NR6A1: variants seen among roughly 807,000 people sequenced by gnomAD.
The protein encoded by NR6A1 is nuclear receptor subfamily 6 group A member 1.
A neutral mutation model predicts 59.1 loss-of-function variants in NR6A1; 7 were observed. The ratio of observed to expected loss-of-function variants is 0.12; its 90% CI spans 0.07 to 0.22. The LOEUF (loss-of-function observed/expected upper bound fraction) is 0.22, where lower values mean the gene tolerates loss of function less well. Ranked by LOEUF, NR6A1 falls within the 10% of genes least tolerant of loss-of-function variation. The pLI is 1.00. For missense variants in NR6A1, 468 were observed against 611.6 expected (o/e 0.77, Z 2.48); for synonymous variants, 243 against 236.1 (o/e 1.03, Z -0.27).
At chr9:124,742,692 C>T (rs889946539) in intron 1 of NR6A1, among the ~76,000 whole-genome samples, 14 of 152,020 alleles carry the variant, frequency 9.2e-5, no homozygotes, top group Admixed American at 5.2e-4. Context: ...CTGGCTAACA[C>T]GGTGAAACCC....
chr9:124,551,582 C>T (rs1293900184), intron 3 of NR6A1, among the ~76,000 whole-genome samples: 1 of 152,096 alleles, frequency 6.6e-6, no homozygotes, highest in Non-Finnish European at 1.5e-5. Flanking sequence ...TGTTTTTAGC[C>T]TTACAGTATA....
chr9:124,589,919 G>C (rs140564258), intron 2 of NR6A1, among the ~76,000 whole-genome samples: 10 of 151,986 alleles, frequency 6.6e-5, no homozygotes, highest in Non-Finnish European at 1.3e-4. Flanking sequence ...GCAAAAATCA[G>C]CTGGGCGTGG....
At chr9:124,611,077 G>A (rs1202366156) in intron 2 of NR6A1, among the ~76,000 whole-genome samples, 2 of 151,936 alleles carry the variant, frequency 1.3e-5, no homozygotes, top group African/African-American at 2.4e-5. Context: ...GGAAGGAGGA[G>A]GCAGGTATAG....
At chr9:124,630,474 T>C (rs1313973121) in intron 2 of NR6A1, among the ~76,000 whole-genome samples, 1 of 150,996 alleles carries the variant, frequency 6.6e-6, no homozygotes, top group Non-Finnish European at 1.5e-5. Context: ...TGACCTCAGG[T>C]GATCCGCCTG....
At chr9:124,553,321 C>T (rs369216524) in intron 3 of NR6A1, among the ~76,000 whole-genome samples, 2 of 152,152 alleles carry the variant, frequency 1.3e-5, no homozygotes, top group African/African-American at 4.8e-5. Flanking sequence ...CACCTATGGA[C>T]TAGACTTTTA....
At chr9:124,591,595 T>C (rs909320032) in intron 2 of NR6A1, among the ~76,000 whole-genome samples, 1 of 152,204 alleles carries the variant, frequency 6.6e-6, no homozygotes, top group African/African-American at 2.4e-5. Context: ...GAATTCTGAT[T>C]GGTCCCACTA....
chr9:124,711,742 A>C (rs916815359), intron 2 of NR6A1, among the ~76,000 whole-genome samples: 1 of 152,182 alleles, frequency 6.6e-6, no homozygotes, highest in Admixed American at 6.5e-5. Flanking sequence ...GAGTAAGTCA[A>C]GATTTTCAAG....
At chr9:124,536,715 T>C (rs1833278470) in intron 6 of NR6A1, among the ~76,000 whole-genome samples, 1 of 152,094 alleles carries the variant, frequency 6.6e-6, no homozygotes, top group Non-Finnish European at 1.5e-5. Flanking sequence ...ATGACTTTTA[T>C]TGTTGGTGTT....
intron 1 of NR6A1, among the ~76,000 whole-genome samples, chr9:124,738,474 G>C (rs1840078714): frequency 6.6e-6 from 1 of 152,142 alleles, no homozygotes; most frequent in Non-Finnish European, 1.5e-5. Context: ...TTCCTAAGAT[G>C]ATATCACCAA....
intron 3 of NR6A1, among the ~76,000 whole-genome samples, chr9:124,553,091 C>T (rs1833821962): frequency 6.6e-6 from 1 of 152,178 alleles, no homozygotes; most frequent in African/African-American, 2.4e-5. Context: ...GGGTAAGTAA[C>T]ATACCATCTT....
At chr9:124,676,743 T>C (rs1027160475) in intron 2 of NR6A1, among the ~76,000 whole-genome samples, 11 of 152,190 alleles carry the variant, frequency 7.2e-5, no homozygotes, top group African/African-American at 2.7e-4. Context: ...AGTTTAAGTA[T>C]CCAGATCCTC....
chr9:124,634,801 G>A (rs949252897), intron 2 of NR6A1, among the ~76,000 whole-genome samples: 7 of 152,130 alleles, frequency 4.6e-5, no homozygotes, highest in Admixed American at 2.6e-4. Context: ...CAGCCTGGGC[G>A]ACAGAGCAAG....
intron 2 of NR6A1, among the ~76,000 whole-genome samples, chr9:124,706,572 C>T (rs1254084661): frequency 9.9e-5 from 15 of 151,766 alleles, no homozygotes; most frequent in South Asian, 2.1e-4. Context: ...AGTGCAGTGG[C>T]GCAATCTTGG....
In NR6A1 at chr9:124,692,588, CTG is replaced by C. The variant is rs1838593131; in HGVS notation, c.142+40718_142+40719del. ...ACATTTCCTGAAGCAAAAGAGCAAG[CTG>C]TACCTTCACATGTCACATGAGTTCA... is the stretch of plus-strand genomic sequence containing the variant. On this transcript the variant is annotated intron_variant, in intron 2 of 9. Transcript: ENST00000487099. 3 of 438,282 alleles carry C rather than the reference CTG, an allele frequency of 6.8e-6. No homozygotes were observed. In the East Asian group the frequency reaches 2.0e-4, roughly 29 times the overall value. The allele number at this position is 438,282 out of a possible 1,614,324, so 27.1% of individuals were successfully genotyped here.
chr9:124,747,787 A>G (rs949703922), intron 1 of NR6A1, among the ~76,000 whole-genome samples: 1 of 152,122 alleles, frequency 6.6e-6, no homozygotes, highest in Non-Finnish European at 1.5e-5. Context: ...GTCAATCACC[A>G]GGACATTTTC....
At chr9:124,727,790 T>C (rs1331113015) in intron 2 of NR6A1, among the ~76,000 whole-genome samples, 1 of 151,850 alleles carries the variant, frequency 6.6e-6, no homozygotes, top group Non-Finnish European at 1.5e-5. Context: ...GTTCAAGCGA[T>C]TCTCCTGCCT....
intron 1 of NR6A1, among the ~76,000 whole-genome samples, chr9:124,765,553 TCA>T (rs1379827902): frequency 5.3e-5 from 8 of 152,170 alleles, no homozygotes; most frequent in Admixed American, 1.3e-4. Context: ...GTATTTTCTC[TCA>T]GTTTGCTTTC....
chr9:124,612,721 G>A (rs1835785013), intron 2 of NR6A1, among the ~76,000 whole-genome samples: 1 of 151,686 alleles, frequency 6.6e-6, no homozygotes, highest in South Asian at 2.1e-4. Context: ...CTCTTGTACT[G>A]TGGGTAAGGT....
chr9:124,649,759 C>A (rs1837045029), intron 2 of NR6A1, among the ~76,000 whole-genome samples: 1 of 151,896 alleles, frequency 6.6e-6, no homozygotes, highest in South Asian at 2.1e-4. Context: ...CAAAAAGCTC[C>A]AAATAATCCA....
Sources: allele counts gnomAD v4.1 joint callset (sites outside exome capture counted in the v4.1 genomes callset), GRCh38; gene constraint gnomAD v4.1.1; transcripts MANE v1.5; gene names NCBI Gene and HGNC (gene_info 2026-07-23, HGNC 2026-07-21).